PLOD2: variants seen among roughly 807,000 people sequenced by gnomAD.
PLOD2 encodes lysine hydroxylase 2.
In PLOD2, 65 loss-of-function variants were observed where a neutral mutation model predicts 101.0. That is an observed-to-expected ratio of 0.64 (90% CI 0.53 to 0.79). PLOD2 has a LOEUF of 0.79. Among genes scored for constraint, PLOD2 ranks in the 30% least tolerant of loss-of-function variants. The probability of loss-of-function intolerance (pLI) is 0.00; values close to 1 mark genes in which losing one functional copy is unlikely to be tolerated. For missense variants in PLOD2, 909 were observed against 914.6 expected, an observed-to-expected ratio of 0.99 and a Z score of 0.08; for synonymous variants, 314 against 302.9, an observed-to-expected ratio of 1.04 and a Z score of -0.38.
chr3:146,075,074 A>T (rs1936283070), intron 15 of PLOD2, among the ~76,000 whole-genome samples: 1 of 151,646 alleles, frequency 6.6e-6, no homozygotes, highest in East Asian at 1.9e-4. Context: ...CAAGACACCA[A>T]GAGATTCAAT....
intron 7 of PLOD2, among the ~76,000 whole-genome samples, chr3:146,096,512 T>C (rs1458569270): frequency 2.1e-5 from 2 of 94,310 alleles, no homozygotes; most frequent in Non-Finnish European, 4.3e-5. Context: ...TCGTCTGAGA[T>C]GTGGGGAGCA....
At chr3:146,160,357 C>T (rs1252224413) in intron 1 of PLOD2, among the ~76,000 whole-genome samples, 1 of 152,192 alleles carries the variant, frequency 6.6e-6, no homozygotes, top group Non-Finnish European at 1.5e-5. Flanking sequence ...TACTGGGTAG[C>T]CAGGCAGCCT....
chr3:146,144,507 TTTTA>T (rs1331442880), intron 1 of PLOD2, among the ~76,000 whole-genome samples: 5 of 152,122 alleles, frequency 3.3e-5, no homozygotes, highest in African/African-American at 1.2e-4. Context: ...GTACATATCT[TTTTA>T]TTTAAATATT....
At chr3:146,137,071 C>G (rs1407554053) in intron 1 of PLOD2, among the ~76,000 whole-genome samples, 1 of 152,130 alleles carries the variant, frequency 6.6e-6, no homozygotes, top group African/African-American at 2.4e-5. Context: ...GATGAACTGA[C>G]ATGTTAATGC....
intron 3 of PLOD2, among the ~76,000 whole-genome samples, chr3:146,120,029 C>T (rs534549021): frequency 1.3e-5 from 2 of 152,258 alleles, no homozygotes; most frequent in South Asian, 4.1e-4. Context: ...CTGACTTCCA[C>T]AATGGTTGAA....
chr3:146,133,289 T>C (rs1226167608), intron 1 of PLOD2, among the ~76,000 whole-genome samples: 1 of 152,226 alleles, frequency 6.6e-6, no homozygotes, highest in Non-Finnish European at 1.5e-5. Context: ...AAGAAAATTA[T>C]GAGAAAACCT....
intron 1 of PLOD2, among the ~76,000 whole-genome samples, chr3:146,131,946 A>G (rs542161668): frequency 5.3e-5 from 8 of 152,310 alleles, no homozygotes; most frequent in African/African-American, 1.9e-4. Context: ...AAAAAACCTA[A>G]AAAGGATGTG....
chr3:146,088,133 A>G (rs1050728011), intron 9 of PLOD2, among the ~76,000 whole-genome samples: 12 of 151,702 alleles, frequency 7.9e-5, no homozygotes, highest in Non-Finnish European at 1.0e-4. Context: ...ACAGTATCAA[A>G]ATCCTTTGGG....
intron 10 of PLOD2, chr3:146,085,811 C>A (rs1242957578): frequency 6.5e-6 from 1 of 153,328 alleles, no homozygotes; most frequent in Non-Finnish European, 1.5e-5. Flanking sequence ...GAATGAACAA[C>A]TGGAGATACC....
Position 146,077,966 on chromosome 3 carries a change from C to G in PLOD2, c.1501-42G>C, listed in dbSNP as rs190220644. 3.5e-4 allele frequency: 362 copies of G among 1,045,126 alleles called. No homozygotes were observed. In the African/African-American group the frequency reaches 5.2e-3, roughly 15 times the overall value. 64.7% of individuals were successfully genotyped at this position (1,045,126 alleles called of 1,614,324 possible). A position where few individuals can be genotyped will look rare whatever the true frequency, so the allele number is the denominator to read the frequency against. ...CATTGGGTAAGTTGACCTGTACACC[C>G]GCTCTCTCAGGTATTCTTTGGTAAA... On this transcript the variant is annotated intron_variant, in intron 13 of 19. Coordinates refer to ENST00000282903, the MANE Select transcript of PLOD2 (RefSeq NM_182943.3).
At chr3:146,081,251 T>TAAA (rs549288144) in intron 12 of PLOD2, among the ~76,000 whole-genome samples, 10 of 151,828 alleles carry the variant, frequency 6.6e-5, no homozygotes, top group African/African-American at 2.2e-4. Context: ...CTAATATTGG[T>TAAA]AAAAAAAACT....
At chr3:146,157,386 A>G (rs150397406) in intron 1 of PLOD2, among the ~76,000 whole-genome samples, 5 of 152,364 alleles carry the variant, frequency 3.3e-5, no homozygotes, top group African/African-American at 1.2e-4. Context: ...AGTTAAAAAT[A>G]AAAAGAACCA....
chr3:146,124,482 C>T (rs1037677772), intron 1 of PLOD2, among the ~76,000 whole-genome samples: 3 of 151,976 alleles, frequency 2.0e-5, no homozygotes, highest in African/African-American at 7.3e-5. Flanking sequence ...AAAATCATGC[C>T]ATCAATAAAG....
In PLOD2 at chr3:146,122,663, G is replaced by A. The variant is rs1576611927; in HGVS notation, c.202-1415C>T. 2.0e-5 allele frequency among the ~76,000 whole-genome samples: 3 copies of A among 152,110 alleles called. No individual in the cohort carries two copies. In the South Asian group the frequency reaches 6.2e-4, roughly 32 times the overall value. ...CTTTGGGAACCACTGCATTACATGA[G>A]GAGAGAGCAAAAGGATCATAAACTC... On this transcript the variant is annotated intron_variant, in intron 2 of 19. Coordinates refer to ENST00000282903, the MANE Select transcript of PLOD2 (RefSeq NM_182943.3).
chr3:146,077,203 G>A (rs1389670718), intron 14 of PLOD2: 1 of 1,024,628 alleles, frequency 9.8e-7, no homozygotes, highest in Non-Finnish European at 1.2e-6. Flanking sequence ...CTGTTTGAAA[G>A]CAGAAATATT....
At chr3:146,149,112 A>C (rs1361421173) in intron 1 of PLOD2, among the ~76,000 whole-genome samples, 1 of 152,244 alleles carries the variant, frequency 6.6e-6, no homozygotes, top group Non-Finnish European at 1.5e-5. Flanking sequence ...TTCTGAATTA[A>C]TTGTGAACTC....
chr3:146,072,418 G>A (rs1442143608), intron 17 of PLOD2, 143 bp downstream of exon 17: 10 of 666,622 alleles, frequency 1.5e-5, no homozygotes, highest in African/African-American at 3.6e-5. Context: ...GAAGTAGACT[G>A]AAATCAGAGC....
chr3:146,072,609 C>CAATT lies in PLOD2; in HGVS notation c.1796_1799dup (p.Val601IlefsTer18). 1.2e-6 allele frequency: 2 copies of CAATT among 1,610,758 alleles called. No individual in the cohort carries two copies. Among genetic ancestry groups the CAATT allele is most frequent in the Non-Finnish European group, 1.7e-6 (2 of 1,177,698 alleles). On this transcript the variant is annotated frameshift_variant, in exon 17 of 20. Coordinates refer to ENST00000282903, the MANE Select transcript of PLOD2 (RefSeq NM_182943.3). LOFTEE classifies it high-confidence loss of function. ...TGCCGTAATGTTCCATTTCTTCTAC[C>CAATT]AATTCATCACAGGCTTTTTCAGAAA...
At chr3:146,080,758 C>G (rs1470644878) in intron 12 of PLOD2, among the ~76,000 whole-genome samples, 5 of 152,142 alleles carry the variant, frequency 3.3e-5, no homozygotes, top group African/African-American at 1.2e-4. Context: ...ACAACTCACC[C>G]AGAGTCAATA....
Sources: gnomAD v4.1 joint callset for allele counts (sites outside exome capture counted in the v4.1 genomes callset) on GRCh38, gnomAD v4.1.1 for gene constraint, MANE v1.5 for transcripts, NCBI Gene and HGNC (gene_info 2026-07-23, HGNC 2026-07-21) for gene names.